LZTS1: variants seen among roughly 807,000 people sequenced by gnomAD.
The protein encoded by LZTS1 is leucine zipper putative tumor suppressor 1.
In LZTS1, 31 loss-of-function variants were observed where a neutral mutation model predicts 45.8. That is an observed-to-expected ratio of 0.68 (90% CI 0.51 to 0.91). LZTS1 has a LOEUF of 0.91. Among genes scored for constraint, LZTS1 ranks in the 40% least tolerant of loss-of-function variants. The probability of loss-of-function intolerance (pLI) is 0.00; values close to 1 mark genes in which losing one functional copy is unlikely to be tolerated. For synonymous variants in LZTS1, 359 were observed against 357.3 expected (o/e 1.00, Z -0.05); for missense variants, 821 against 788.9 (o/e 1.04, Z -0.49).
chr8:20,277,922 C>A (rs1476247), intron 1 of LZTS1, among the ~76,000 whole-genome samples: 2 of 151,994 alleles, frequency 1.3e-5, no homozygotes, highest in South Asian at 2.1e-4. Flanking sequence ...TGTGGAAACA[C>A]TCCCATCTAC....
intron 1 of LZTS1, among the ~76,000 whole-genome samples, chr8:20,288,148 GTGT>G (rs941678940): frequency 1.1e-4 from 16 of 152,106 alleles, no homozygotes; most frequent in African/African-American, 3.9e-4. Flanking sequence ...AGCTTTCCTG[GTGT>G]TGTCAGCTCA....
chr8:20,252,497 G>C (rs1799953797), intron 3 of LZTS1, among the ~76,000 whole-genome samples: 1 of 152,154 alleles, frequency 6.6e-6, no homozygotes, highest in Non-Finnish European at 1.5e-5. Flanking sequence ...AGCCTGGCTG[G>C]GCCTTGGTCA....
chr8:20,290,609 G>A, intron 1 of LZTS1, among the ~76,000 whole-genome samples: 1 of 152,196 alleles, frequency 6.6e-6, no homozygotes, highest in South Asian at 2.1e-4. Context: ...CAATTTTCCA[G>A]TGCAGAATTA....
intron 1 of LZTS1, among the ~76,000 whole-genome samples, chr8:20,281,466 G>T (rs189601955): frequency 2.6e-5 from 4 of 152,082 alleles, no homozygotes; most frequent in Admixed American, 2.6e-4. Context: ...TCAGCTACTC[G>T]GGAGGCCGAG....
chr8:20,273,287 G>T (rs1469895032), intron 1 of LZTS1, among the ~76,000 whole-genome samples: 1 of 152,056 alleles, frequency 6.6e-6, no homozygotes, highest in African/African-American at 2.4e-5. Flanking sequence ...TTCTCTAAAT[G>T]TGGATGCTTT....
At chr8:20,260,962 GGA>G (rs1460742260) in intron 1 of LZTS1, among the ~76,000 whole-genome samples, 1 of 152,176 alleles carries the variant, frequency 6.6e-6, no homozygotes, top group Admixed American at 6.5e-5. Flanking sequence ...CTGTCAACTT[GGA>G]GAGAGCATTA....
chr8:20,250,029 T>G lies in LZTS1; in HGVS notation c.1484A>C (p.Glu495Ala). 1 of 1,610,910 alleles carries G rather than the reference T, an allele frequency of 6.2e-7. No homozygotes were observed. The highest frequency in any genetic ancestry group is 8.5e-7 in the Non-Finnish European group (1 of 1,179,250). Reference sequence around the variant, plus strand: ...CTCCCGCTGCAGGGCAGGGACGTCCTCGGGGAAGGTGGGCGGCCCCATGTC... The same window carrying G: ...CTCCCGCTGCAGGGCAGGGACGTCCGCGGGGAAGGTGGGCGGCCCCATGTC... ...ARDMGPPTFP[E>A]DVPALQRELE... Residue 495 changes from glutamate (E) to alanine (A), a missense_variant, in exon 4 of 4, where the codon GAG becomes GCG. Coordinates refer to ENST00000381569, the MANE Select transcript of LZTS1 (RefSeq NM_021020.5).
At chr8:20,299,404 T>C (rs1450870836) in intron 1 of LZTS1, among the ~76,000 whole-genome samples, 1 of 152,244 alleles carries the variant, frequency 6.6e-6, no homozygotes, top group Non-Finnish European at 1.5e-5. Flanking sequence ...AAACCACAAT[T>C]ACTTTTGCAG....
At chr8:20,268,305 G>A (rs2128895576) in intron 1 of LZTS1, among the ~76,000 whole-genome samples, 1 of 151,226 alleles carries the variant, frequency 6.6e-6, no homozygotes, top group East Asian at 2.0e-4. Context: ...CCAGACTGGT[G>A]GGCGGGCCTC....
At position 20,248,659 on chromosome 8, in the gene LZTS1, G is replaced by T. The variant is rs558488986; in HGVS notation, c.*1063C>A. The T allele has an allele frequency of 6.6e-6, 1 of 152,282 alleles. No homozygotes were observed. Among genetic ancestry groups the T allele is most frequent in the Non-Finnish European group, 1.5e-5 (1 of 68,138 alleles). 9.4% of individuals were successfully genotyped at this position (152,282 alleles called of 1,614,324 possible). ...AGCCCTGAAGGTGCTAAGGGGGAAA[G>T]GTTTGCCGCTAAACCTGGCTGTAGG... On this transcript the variant is annotated 3_prime_UTR_variant, in exon 4 of 4. Coordinates refer to ENST00000381569, the MANE Select transcript of LZTS1 (RefSeq NM_021020.5).
chr8:20,273,099 G>GGACC (rs1800505531), intron 1 of LZTS1, among the ~76,000 whole-genome samples: 1 of 152,274 alleles, frequency 6.6e-6, no homozygotes, highest in South Asian at 2.1e-4. Context: ...CCTCCGGGAT[G>GGACC]TTGCTAAATC....
In LZTS1 at chr8:20,253,143, A is replaced by T; in HGVS notation, c.788T>A (p.Ile263Asn). ...RSPISTDECS[I>N]QELEQKLLER... ...CAACAGCTTCTGCTCCAGCTCCTGG[A>T]TGCTGCACTCGTCCGTGGAGATGGG... The change falls in exon 3 of 4, where the codon ATC becomes AAC. Residue 263 changes from isoleucine to asparagine, a missense_variant. Coordinates refer to ENST00000381569, the MANE Select transcript of LZTS1 (RefSeq NM_021020.5). 6.2e-7 allele frequency: 1 copy of T among 1,613,080 alleles called. No individual in the cohort carries two copies. Among genetic ancestry groups the T allele is most frequent in the Non-Finnish European group, 8.5e-7 (1 of 1,179,948 alleles).
intron 1 of LZTS1, among the ~76,000 whole-genome samples, chr8:20,285,245 C>G (rs1161280309): frequency 6.6e-6 from 1 of 152,206 alleles, no homozygotes; most frequent in South Asian, 2.1e-4. Context: ...CTTGTGAGCT[C>G]ATCAACTTCC....
rs752746349 is a variant in LZTS1, at chr8:20,249,739, T to A, written c.1774A>T (p.Ile592Leu). 1 of 1,607,634 alleles carries A rather than the reference T, an allele frequency of 6.2e-7. No homozygotes were observed. The highest frequency in any genetic ancestry group is 8.5e-7 in the Non-Finnish European group (1 of 1,178,470). Residue 592 changes from isoleucine to leucine, a missense_variant, in exon 4 of 4, where the codon ATA becomes TTA. By Grantham distance (5) the Ile-to-Leu change is conservative. Coordinates refer to ENST00000381569, the MANE Select transcript of LZTS1 (RefSeq NM_021020.5). Reference protein sequence around the residue: ...EGADIPYEDIIATEI With the variant: ...EGADIPYEDILATEI Reference sequence around the variant, plus strand: ...GCAGCCCCTCAGATCTCAGTGGCTATGATGTCCTCGTAGGGGATGTCAGCC... The same window carrying A: ...GCAGCCCCTCAGATCTCAGTGGCTAAGATGTCCTCGTAGGGGATGTCAGCC...
At chr8:20,277,040 T>C (rs548901060) in intron 1 of LZTS1, among the ~76,000 whole-genome samples, 4 of 152,272 alleles carry the variant, frequency 2.6e-5, no homozygotes, top group African/African-American at 9.6e-5. Context: ...AGTTAAGGCA[T>C]TCTAAGTCAC....
chr8:20,262,480 G>A lies in LZTS1; in HGVS notation c.-134-7165C>T, dbSNP rs188341012. Among the ~76,000 whole-genome samples the A allele has an allele frequency of 4.5e-4, 68 of 152,238 alleles. 1 individual carries two copies. The East Asian group carries it at 0.012, about 26-fold the overall frequency. ...CATGTGTGAACGTGTGTGTGTATAC[G>A]TGTGCATGTGTGTCTACTACTTTAG... On this transcript the variant is annotated intron_variant, in intron 1 of 3. Coordinates refer to ENST00000381569, the MANE Select transcript of LZTS1 (RefSeq NM_021020.5).
rs569892222 is a variant in LZTS1 at position 20,269,596 on chromosome 8, C to T, written c.-134-14281G>A. ...CATTGATCAAGTCGGTATTCTGAGG[C>T]CAAGTTCAGGTTCAGTACGGAAGAA... On this transcript the variant is annotated intron_variant, in intron 1 of 3. Transcript: ENST00000381569. Among the ~76,000 whole-genome samples, 6 of 152,232 alleles carry T rather than the reference C, an allele frequency of 3.9e-5. No homozygotes were observed. In the South Asian group the frequency reaches 1.2e-3, roughly 32 times the overall value.
Position 20,255,189 on chromosome 8 carries a change from CGGGGCTGAGGATG to C in LZTS1, c.-21_-9del, listed in dbSNP as rs748835604. 6.8e-6 allele frequency: 11 copies of C among 1,606,888 alleles called. No homozygotes were observed. Among genetic ancestry groups the C allele is most frequent in the Non-Finnish European group, 9.3e-6 (11 of 1,176,534 alleles). On this transcript the variant is annotated 5_prime_UTR_variant, in exon 2 of 4. Coordinates refer to ENST00000381569, the MANE Select transcript of LZTS1 (RefSeq NM_021020.5). ...GCTACTGACGCTGCCCATGGTGACT[CGGGGCTGAGGATG>C]GGGCAGGGCCGGGCAGGGTCTTGGA...
Position 20,249,245 on chromosome 8 carries a change from G to A in LZTS1, c.*477C>T, listed in dbSNP as rs1799816244. The A allele has an allele frequency of 6.4e-6, 1 of 156,768 alleles. No individual in the cohort carries two copies. Among genetic ancestry groups the A allele is most frequent in the African/African-American group, 2.4e-5 (1 of 41,526 alleles). 9.7% of individuals were successfully genotyped at this position (156,768 alleles called of 1,614,324 possible). On this transcript the variant is annotated 3_prime_UTR_variant, in exon 4 of 4. Coordinates refer to ENST00000381569, the MANE Select transcript of LZTS1 (RefSeq NM_021020.5). ...CCACCCCTACACCTCTGCGGCCAGA[G>A]GAAAATAGCTCAGGTTCTGATGGGG...
Sources: allele counts gnomAD v4.1 joint callset (sites outside exome capture counted in the v4.1 genomes callset), GRCh38; gene constraint gnomAD v4.1.1; transcripts MANE v1.5; gene names NCBI Gene and HGNC (gene_info 2026-07-23, HGNC 2026-07-21).